The following ADAM10 variants were observed in gnomAD, a reference collection of about 807,000 sequenced individuals.
ADAM10 encodes disintegrin and metalloproteinase domain-containing protein 10.
ADAM10 carries 17 observed loss-of-function variants against 90.1 expected under a neutral mutation model. That is an observed-to-expected ratio of 0.19 (90% CI 0.13 to 0.28). ADAM10 has a LOEUF of 0.28. ADAM10 is among the 10% of genes least tolerant of loss of function. ADAM10 has a pLI of 1.00. For missense variants in ADAM10, 610 were observed against 914.3 expected, an observed-to-expected ratio of 0.67 and a Z score of 4.29; for synonymous variants, 310 against 298.6, an observed-to-expected ratio of 1.04 and a Z score of -0.40.
intron 2 of ADAM10, chr15:58,692,660 C>T (rs1897858022): frequency 1.8e-6 from 1 of 560,580 alleles, no homozygotes; most frequent in Non-Finnish European, 3.6e-6. Flanking sequence ...TGAAGGATCA[C>T]TTTGGTATCC....
At chr15:58,602,166 T>G (rs1047100215) in intron 14 of ADAM10, among the ~76,000 whole-genome samples, 3 of 152,208 alleles carry the variant, frequency 2.0e-5, no homozygotes, top group Admixed American at 2.0e-4. Context: ...TATAATCAAT[T>G]ACTGACATTA....
At position 58,593,174 on chromosome 15, in the gene ADAM10, T is replaced by A. The variant is rs1566960184; in HGVS notation, c.*4373A>T. On this transcript the variant is annotated 3_prime_UTR_variant, in exon 16 of 16. Coordinates refer to ENST00000260408, the MANE Select transcript of ADAM10 (RefSeq NM_001110.4). ...ATTTTTTTTTTTTTTTTTTTTTTTT[T>A]TTTTTTTTTTTTTTTTTTTTTTTGA... 17 of 56,288 alleles carry A rather than the reference T, an allele frequency of 3.0e-4. No individual in the cohort carries two copies. The highest frequency in any genetic ancestry group is 2.8e-3 in the East Asian group (3 of 1,082). The allele number at this position is 56,288 out of a possible 1,614,324, so 3.5% of individuals were successfully genotyped here.
intron 1 of ADAM10, among the ~76,000 whole-genome samples, chr15:58,731,840 G>A (rs1313387767): frequency 1.3e-5 from 2 of 152,058 alleles, no homozygotes; most frequent in Non-Finnish European, 2.9e-5. Context: ...TGTGCGGCCT[G>A]GTCTTGAAAG....
Position 58,597,596 on chromosome 15 carries a change from T to G in ADAM10, c.2198A>C (p.Gln733Pro). Reference protein sequence around the residue: ...RRPPQPIQQPQRQRPRESYQM... With the variant: ...RRPPQPIQQPPRQRPRESYQM... ...ATAACTCTCTCGGGGCCGCTGACGC[T>G]GGGGTTGCTGAATGGGCTGTGGAGG... The change falls in exon 16 of 16, where the codon CAG becomes CCG. Residue 733 changes from glutamine to proline, a missense_variant. Physicochemically the swap from Gln to Pro is moderately conservative, Grantham distance 76 (BLOSUM62 -1). Transcript: ENST00000260408. 2 of 1,614,128 alleles carry G rather than the reference T, an allele frequency of 1.2e-6. No homozygotes were observed. Among genetic ancestry groups the G allele is most frequent in the Non-Finnish European group, 1.7e-6 (2 of 1,180,008 alleles).
chr15:58,731,204 A>T (rs1188693494), intron 1 of ADAM10, among the ~76,000 whole-genome samples: 1 of 152,208 alleles, frequency 6.6e-6, no homozygotes, highest in Non-Finnish European at 1.5e-5. Flanking sequence ...GGGAAAAAAA[A>T]TCCACAAAGT....
chr15:58,624,729 C>T lies in ADAM10; in HGVS notation c.1360+2971G>A, dbSNP rs542376868. ...TTAATTTTTTGTAGAGACAGGGTTT[C>T]GCTACATTGGCCAGGCTGGTTTCGA... On this transcript the variant is annotated intron_variant, in intron 10 of 15. Coordinates refer to ENST00000260408, the MANE Select transcript of ADAM10 (RefSeq NM_001110.4). 4.3e-4 allele frequency among the ~76,000 whole-genome samples: 66 copies of T among 152,094 alleles called. 2 individuals are homozygous for T. Among genetic ancestry groups the T allele is most frequent in the African/African-American group, 1.9e-4 (8 of 41,430 alleles).
intron 5 of ADAM10, among the ~76,000 whole-genome samples, chr15:58,656,380 G>A (rs1052431702): frequency 6.0e-5 from 9 of 150,976 alleles, no homozygotes; most frequent in Non-Finnish European, 1.2e-4. Context: ...GTTGTTTTGC[G>A]GCCTTCTCTT....
At chr15:58,648,116 C>T (rs1566979408) in intron 5 of ADAM10, among the ~76,000 whole-genome samples, 1 of 152,154 alleles carries the variant, frequency 6.6e-6, no homozygotes, top group East Asian at 1.9e-4. Flanking sequence ...TGTTTATTTG[C>T]TTCACTATAG....
At chr15:58,689,944 A>AACCC (rs1897728131) in intron 2 of ADAM10, among the ~76,000 whole-genome samples, 1 of 75,236 alleles carries the variant, frequency 1.3e-5, no homozygotes, top group East Asian at 9.5e-4. Context: ...CCAAAGACAG[A>AACCC]CCCCCCCCAA....
intron 7 of ADAM10, among the ~76,000 whole-genome samples, chr15:58,642,639 C>A (rs1248210564): frequency 6.6e-6 from 1 of 152,112 alleles, no homozygotes; most frequent in Non-Finnish European, 1.5e-5. Flanking sequence ...ACATCATTTA[C>A]TTATATACAT....
At chr15:58,728,838 T>A (rs1199034041) in intron 1 of ADAM10, among the ~76,000 whole-genome samples, 2 of 152,218 alleles carry the variant, frequency 1.3e-5, no homozygotes, top group East Asian at 3.8e-4. Flanking sequence ...CTAAGCAGCC[T>A]GTAATGATTC....
At position 58,596,363 on chromosome 15, in the gene ADAM10, G is replaced by T. The variant is rs1302183995; in HGVS notation, c.*1184C>A. 6.6e-6 allele frequency: 1 copy of T among 152,510 alleles called. No homozygotes were observed. Among genetic ancestry groups the T allele is most frequent in the Non-Finnish European group, 1.5e-5 (1 of 68,002 alleles). The allele number at this position is 152,510 out of a possible 1,614,324, so 9.4% of individuals were successfully genotyped here. On this transcript the variant is annotated 3_prime_UTR_variant, in exon 16 of 16. Coordinates refer to ENST00000260408, the MANE Select transcript of ADAM10 (RefSeq NM_001110.4). ...TGTTTCAAAAATAAATTTGGAATGGGACATTGTGCTGTTTCACCTTCAATG... is the reference window on the plus strand; with the variant it reads ...TGTTTCAAAAATAAATTTGGAATGGTACATTGTGCTGTTTCACCTTCAATG...
intron 2 of ADAM10, among the ~76,000 whole-genome samples, chr15:58,716,213 T>G (rs1898653790): frequency 6.6e-6 from 1 of 152,216 alleles, no homozygotes; most frequent in South Asian, 2.1e-4. Context: ...ATCTGATTTT[T>G]CATCCATTAA....
chr15:58,652,664 T>A (rs1896718960), intron 5 of ADAM10, among the ~76,000 whole-genome samples: 1 of 152,204 alleles, frequency 6.6e-6, no homozygotes, highest in South Asian at 2.1e-4. Context: ...TGAAGTCAGG[T>A]AATATGATTC....
At chr15:58,692,836 G>A (rs745389395) in intron 2 of ADAM10, 2 of 654,234 alleles carry the variant, frequency 3.1e-6, no homozygotes, top group Non-Finnish European at 2.9e-6. Context: ...GGAGATTTCT[G>A]CACAAGACTG....
intron 2 of ADAM10, among the ~76,000 whole-genome samples, chr15:58,690,724 G>T (rs1385680949): frequency 6.6e-6 from 1 of 152,146 alleles, no homozygotes; most frequent in Non-Finnish European, 1.5e-5. Context: ...AAGGTTTGCA[G>T]GTATAAACTC....
intron 14 of ADAM10, among the ~76,000 whole-genome samples, chr15:58,608,595 C>A (rs1295997483): frequency 4.6e-5 from 7 of 152,172 alleles, no homozygotes; most frequent in African/African-American, 1.7e-4. Context: ...CCCACACACA[C>A]TTAAAGTCAA....
rs141923454 is a variant in ADAM10, at chr15:58,694,481, C to T, written c.207-12167G>A. On this transcript the variant is annotated intron_variant, in intron 2 of 15. Coordinates refer to ENST00000260408, the MANE Select transcript of ADAM10 (RefSeq NM_001110.4). The stretch of plus-strand genomic sequence containing the variant: ...AAAAACAAAAACAAACAAGGCCAGG[C>T]GAGTTGGCTAGTGCCTGTAATCCCA... Among the ~76,000 whole-genome samples, 8 of 151,802 alleles carry T rather than the reference C, an allele frequency of 5.3e-5. 1 individual carries two copies. In the South Asian group the frequency reaches 1.5e-3, roughly 28 times the overall value.
intron 1 of ADAM10, among the ~76,000 whole-genome samples, chr15:58,747,057 T>C (rs1037270034): frequency 3.9e-5 from 6 of 152,214 alleles, no homozygotes; most frequent in Non-Finnish European, 8.8e-5. Flanking sequence ...CATATCATAC[T>C]CTGAAGTTCA....
Sources: gnomAD v4.1 joint callset for allele counts (sites outside exome capture counted in the v4.1 genomes callset) on GRCh38, gnomAD v4.1.1 for gene constraint, MANE v1.5 for transcripts, NCBI Gene and HGNC (gene_info 2026-07-23, HGNC 2026-07-21) for gene names.